The following SIRT1 variants were observed in gnomAD, a reference collection of about 807,000 sequenced individuals.
SIRT1 encodes NAD-dependent protein deacetylase sirtuin-1.
A neutral mutation model predicts 67.9 loss-of-function variants in SIRT1; 24 were observed. The observed-to-expected ratio is 0.35, with a 90% CI of 0.26 to 0.50. The LOEUF (loss-of-function observed/expected upper bound fraction) is 0.50, where lower values mean the gene tolerates loss of function less well. Ranked by LOEUF, SIRT1 falls within the 20% of genes least tolerant of loss-of-function variation. The pLI is 0.98. For missense variants in SIRT1, 873 were observed against 937.2 expected (o/e 0.93, Z 0.89); for synonymous variants, 378 against 350.7 (o/e 1.08, Z -0.87).
In SIRT1 at chr10:67,912,984, G is replaced by A; in HGVS notation, c.1868G>A (p.Cys623Tyr). ...TCAGTGGCTGGAACAGTGAGAAAAT[G>A]CTGGCCTAATAGAGTGGCAAAGGAG... The part of the protein sequence containing the change: ...RTSVAGTVRK[C>Y]WPNRVAKEQI... The change falls in exon 8 of 9, where the codon TGC (cysteine) becomes TAC (tyrosine). Residue 623 changes from cysteine (C) to tyrosine (Y), a missense_variant. Cys to Tyr is a radical substitution (Grantham distance 194). This residue lies in a region of SIRT1 where 295 missense variants were observed against 294.5 expected (regional missense o/e 1.00). Transcript: ENST00000212015. 6.2e-7 allele frequency: 1 copy of A among 1,613,692 alleles called. No homozygotes were observed. Among genetic ancestry groups the A allele is most frequent in the African/African-American group, 1.3e-5 (1 of 75,010 alleles).
intron 8 of SIRT1, among the ~76,000 whole-genome samples, chr10:67,914,677 CAG>C (rs953424268): frequency 1.2e-4 from 18 of 152,136 alleles, no homozygotes; most frequent in African/African-American, 4.1e-4. Context: ...GCCCAGGAAA[CAG>C]AGTTAACCTG....
Position 67,909,451 on chromosome 10 carries a change from G to A in SIRT1, c.1357+9G>A, listed in dbSNP as rs1842867427. 5 of 1,596,508 alleles carry A rather than the reference G, an allele frequency of 3.1e-6. No homozygotes were observed. Among genetic ancestry groups the A allele is most frequent in the African/African-American group, 1.4e-5 (1 of 73,938 alleles). ...AGTAGCACTAATTCCAAGTAAGTTG[G>A]TGATGGTTTTTGGAGAACATTTCTA... On this transcript the variant is annotated intron_variant, in intron 7 of 8. Transcript: ENST00000212015.
chr10:67,899,190 G>A (rs1233347127), intron 4 of SIRT1, among the ~76,000 whole-genome samples: 1 of 151,990 alleles, frequency 6.6e-6, no homozygotes, highest in East Asian at 1.9e-4. Flanking sequence ...GGGTGCAGTG[G>A]CTCATGCCTG....
At position 67,901,478 on chromosome 10, in the gene SIRT1, A is replaced by G. The variant is rs768555112; in HGVS notation, c.943-5312A>G. ...GTATATGTTCACAGCTGGATCAGCA[A>G]ACTTTCTGTAGTAAGGTAGGGCCTG... On this transcript the variant is annotated intron_variant, in intron 4 of 8. Transcript: ENST00000212015. Among the ~76,000 whole-genome samples, 3 of 152,086 alleles carry G rather than the reference A, an allele frequency of 2.0e-5. No homozygotes were observed. The South Asian group carries it at 6.2e-4, about 32-fold the overall frequency.
At chr10:67,885,203 G>C (rs1380870120) in intron 1 of SIRT1, 52 bp downstream of exon 1, 1 of 1,293,516 alleles carries the variant, frequency 7.7e-7, no homozygotes, top group Non-Finnish European at 9.9e-7. Flanking sequence ...CCCTCTCCCC[G>C]GGCTCCTACT....
intron 1 of SIRT1, chr10:67,885,440 C>CCCCCTCT: frequency 8.4e-7 from 1 of 1,189,948 alleles, no homozygotes; most frequent in Non-Finnish European, 1.0e-6. Flanking sequence ...AAGTTTCTCT[C>CCCCCTCT]CCCCTCTTAC....
intron 4 of SIRT1, among the ~76,000 whole-genome samples, chr10:67,892,950 TCTC>T (rs1842596639): frequency 6.6e-6 from 1 of 152,234 alleles, no homozygotes; most frequent in Non-Finnish European, 1.5e-5. Flanking sequence ...TATATGTATG[TCTC>T]ACATTATGTA....
chr10:67,904,140 T>G (rs1177045156), intron 4 of SIRT1, among the ~76,000 whole-genome samples: 1 of 150,354 alleles, frequency 6.7e-6, no homozygotes, highest in East Asian at 1.9e-4. Flanking sequence ...TTTTTTTTTT[T>G]TTTTTTTAAA....
chr10:67,891,665 C>G, intron 4 of SIRT1, 111 bp downstream of exon 4: 1 of 1,069,264 alleles, frequency 9.4e-7, no homozygotes, highest in South Asian at 1.6e-5. Context: ...GTGAATGCTG[C>G]TACTGTGGCG....
chr10:67,885,161 G>T lies in SIRT1; in HGVS notation c.430+10G>T, dbSNP rs1289215475. Reference sequence around the variant, plus strand: ...GCGATTGGGTACCGAGGTGCGCAGGGTGCGGGCGGCCGGAACTGCGCATCT... The same window carrying T: ...GCGATTGGGTACCGAGGTGCGCAGGTTGCGGGCGGCCGGAACTGCGCATCT... On this transcript the variant is annotated intron_variant, in intron 1 of 8. Transcript: ENST00000212015. 2.2e-6 allele frequency: 3 copies of T among 1,378,202 alleles called. No individual in the cohort carries two copies. In the Admixed American group the frequency reaches 1.0e-4, roughly 48 times the overall value. 85.4% of individuals were successfully genotyped at this position (1,378,202 alleles called of 1,614,324 possible). A position where few individuals can be genotyped will look rare whatever the true frequency, so the allele number is the denominator to read the frequency against.
chr10:67,885,411 C>T, intron 1 of SIRT1: 1 of 1,226,506 alleles, frequency 8.2e-7, no homozygotes, highest in Non-Finnish European at 1.0e-6. Flanking sequence ...TCGGGAGACT[C>T]TCGCAGTCGC....
At chr10:67,887,607 G>A (rs868846783) in intron 2 of SIRT1, 74 bp downstream of exon 2, 5 of 1,019,976 alleles carry the variant, frequency 4.9e-6, no homozygotes, top group East Asian at 5.1e-5. Flanking sequence ...ACAGAGTTTC[G>A]CTCTTGTTGC....
Position 67,887,403 on chromosome 10 carries a change from G to T in SIRT1, c.431-14G>T. 1.9e-6 allele frequency: 3 copies of T among 1,564,032 alleles called. No homozygotes were observed. The highest frequency in any genetic ancestry group is 2.2e-5 in the South Asian group (2 of 89,824). On this transcript the variant is annotated splice_polypyrimidine_tract_variant and intron_variant, in intron 1 of 8. Coordinates refer to ENST00000212015, the MANE Select transcript of SIRT1 (RefSeq NM_012238.5). ...TTGTTTTGATAGCCTTGACTGACTT[G>T]GTTTCTTTTGCAGATAACCTTCTGT...
At chr10:67,904,714 C>G (rs915197407) in intron 4 of SIRT1, among the ~76,000 whole-genome samples, 3 of 151,980 alleles carry the variant, frequency 2.0e-5, no homozygotes, top group Admixed American at 6.6e-5. Flanking sequence ...GGTGGTGGCA[C>G]ATGCCTGTAA....
intron 4 of SIRT1, among the ~76,000 whole-genome samples, chr10:67,902,148 C>T (rs1365510132): frequency 6.6e-6 from 1 of 152,152 alleles, no homozygotes; most frequent in Non-Finnish European, 1.5e-5. Context: ...GTCTCCACGC[C>T]CGGCTAGTTA....
chr10:67,889,594 A>G (rs1161423180), intron 3 of SIRT1, among the ~76,000 whole-genome samples: 2 of 152,094 alleles, frequency 1.3e-5, no homozygotes, highest in Non-Finnish European at 2.9e-5. Flanking sequence ...GCGACTTGAC[A>G]TTTTCTATTT....
chr10:67,914,154 C>T (rs1242804530), intron 8 of SIRT1, among the ~76,000 whole-genome samples: 1 of 148,274 alleles, frequency 6.7e-6, no homozygotes, highest in Non-Finnish European at 1.5e-5. Context: ...TCACTGCAAC[C>T]TCTGCGTCCC....
chr10:67,916,787 TAA>T lies in SIRT1; in HGVS notation c.*195_*196del. 1 of 346,566 alleles carries T rather than the reference TAA, an allele frequency of 2.9e-6. No individual in the cohort carries two copies. Among genetic ancestry groups the T allele is most frequent in the Non-Finnish European group, 5.1e-6 (1 of 194,670 alleles). The allele number at this position is 346,566 out of a possible 1,614,324, so 21.5% of individuals were successfully genotyped here. On this transcript the variant is annotated 3_prime_UTR_variant, in exon 9 of 9. Transcript: ENST00000212015. Reference sequence around the variant, plus strand: ...TTCTGTACTTGTACAAACTCAACACTAACTTTTTTTTTTTTAAAAAAAAAAAG... The same window carrying T: ...TTCTGTACTTGTACAAACTCAACACTCTTTTTTTTTTTTAAAAAAAAAAAG...
chr10:67,890,157 G>T (rs1842546905), intron 3 of SIRT1, among the ~76,000 whole-genome samples: 1 of 151,942 alleles, frequency 6.6e-6, no homozygotes, highest in African/African-American at 2.4e-5. Flanking sequence ...CTGGGTTCAA[G>T]CAATTCTCTT....
Sources: allele counts gnomAD v4.1 joint callset (sites outside exome capture counted in the v4.1 genomes callset), GRCh38; gene constraint gnomAD v4.1.1; regional missense constraint gnomAD v4.1.1; transcripts MANE v1.5; gene names NCBI Gene and HGNC (gene_info 2026-07-23, HGNC 2026-07-21).